BTRC: variants seen among roughly 807,000 people sequenced by gnomAD.
BTRC encodes beta-transducin repeat containing E3 ubiquitin protein ligase, also known as F-box/WD repeat-containing protein 1A.
A neutral mutation model predicts 85.5 loss-of-function variants in BTRC; 42 were observed. The observed-to-expected ratio is 0.49, with a 90% CI of 0.38 to 0.64. The LOEUF is 0.64. Among genes scored for constraint, BTRC ranks in the 30% least tolerant of loss-of-function variants. BTRC has a pLI of 0.00. For missense variants in BTRC, 594 were observed against 743.5 expected, an observed-to-expected ratio of 0.80 and a Z score of 2.34; for synonymous variants, 255 against 263.3, an observed-to-expected ratio of 0.97 and a Z score of 0.30.
At chr10:101,409,816 T>TA (rs2134019946) in intron 1 of BTRC, among the ~76,000 whole-genome samples, 1 of 152,334 alleles carries the variant, frequency 6.6e-6, no homozygotes, top group African/African-American at 2.4e-5. Flanking sequence ...TATTCGTTGA[T>TA]AAGTATTTTT....
intron 4 of BTRC, among the ~76,000 whole-genome samples, chr10:101,498,433 G>T (rs1003790562): frequency 6.6e-6 from 1 of 152,046 alleles, no homozygotes; most frequent in Non-Finnish European, 1.5e-5. Flanking sequence ...GTGATTACAG[G>T]TGTGAGCCAC....
At chr10:101,460,900 G>A (rs192954288) in intron 2 of BTRC, among the ~76,000 whole-genome samples, 1 of 152,146 alleles carries the variant, frequency 6.6e-6, no homozygotes, top group East Asian at 1.9e-4. Flanking sequence ...TTAACTGTAA[G>A]TTTTTTGTTG....
chr10:101,361,598 G>C (rs1410000009), intron 1 of BTRC, among the ~76,000 whole-genome samples: 4 of 152,198 alleles, frequency 2.6e-5, no homozygotes, highest in African/African-American at 9.7e-5. Context: ...TATGGGAAGG[G>C]TCCACTGGAT....
intron 1 of BTRC, among the ~76,000 whole-genome samples, chr10:101,376,999 T>C (rs910399301): frequency 5.9e-5 from 9 of 152,170 alleles, no homozygotes; most frequent in African/African-American, 2.2e-4. Context: ...AATTCTAATA[T>C]GTGTAGTAGA....
chr10:101,383,095 A>C (rs1590225420), intron 1 of BTRC, among the ~76,000 whole-genome samples: 1 of 117,112 alleles, frequency 8.5e-6, no homozygotes. Context: ...ACAGGGTCTC[A>C]CTCTTTCTCC....
intron 1 of BTRC, among the ~76,000 whole-genome samples, chr10:101,358,291 CAA>C (rs1942101807): frequency 6.6e-6 from 1 of 151,960 alleles, no homozygotes; most frequent in South Asian, 2.1e-4. Context: ...TTTGTAGAGA[CAA>C]GGGTCGCCCT....
intron 1 of BTRC, among the ~76,000 whole-genome samples, chr10:101,415,697 A>G (rs1302017854): frequency 2.0e-5 from 3 of 150,272 alleles, no homozygotes; most frequent in Admixed American, 6.6e-5. Flanking sequence ...ATGCGCCACC[A>G]TGCCTGGCTA....
At chr10:101,472,764 A>G (rs1393993356) in intron 3 of BTRC, among the ~76,000 whole-genome samples, 1 of 152,098 alleles carries the variant, frequency 6.6e-6, no homozygotes, top group East Asian at 1.9e-4. Context: ...GCGGTGAAAT[A>G]AAAATATTAT....
At chr10:101,515,330 A>T (rs1424525126) in intron 4 of BTRC, among the ~76,000 whole-genome samples, 2 of 151,984 alleles carry the variant, frequency 1.3e-5, no homozygotes, top group African/African-American at 4.8e-5. Context: ...AGAATCAGCG[A>T]GTTAATTTGC....
intron 1 of BTRC, among the ~76,000 whole-genome samples, chr10:101,424,906 A>G (rs1183540360): frequency 6.6e-6 from 1 of 152,150 alleles, no homozygotes; most frequent in Non-Finnish European, 1.5e-5. Flanking sequence ...TCACCCAGGT[A>G]GAGAGTGCAA....
At chr10:101,453,113 G>A (rs1253509756) in intron 2 of BTRC, among the ~76,000 whole-genome samples, 1 of 152,032 alleles carries the variant, frequency 6.6e-6, no homozygotes, top group Non-Finnish European at 1.5e-5. Context: ...TTTGTAAATT[G>A]TAAATTTATA....
chr10:101,499,233 C>CA lies in BTRC; in HGVS notation c.324+19777dup, dbSNP rs1275383167. ...TTGGCCTGTACCTGGGCTTGTCTGA[C>CA]ACTATGCAGTACTACCTTTTTTTTG... On this transcript the variant is annotated intron_variant, in intron 4 of 14. Coordinates refer to ENST00000370187, the MANE Select transcript of BTRC (RefSeq NM_033637.4). Among the ~76,000 whole-genome samples, 12 of 152,128 alleles carry CA rather than the reference C, an allele frequency of 7.9e-5. No homozygotes were observed. The South Asian group carries it at 2.5e-3, about 32-fold the overall frequency.
At chr10:101,421,922 C>T (rs1018134947) in intron 1 of BTRC, among the ~76,000 whole-genome samples, 1 of 152,060 alleles carries the variant, frequency 6.6e-6, no homozygotes, top group Non-Finnish European at 1.5e-5. Context: ...AATAGTGCCA[C>T]AGTAAACATA....
At chr10:101,552,625 G>A (rs2062669811) in intron 14 of BTRC, among the ~76,000 whole-genome samples, 1 of 152,072 alleles carries the variant, frequency 6.6e-6, no homozygotes, top group Admixed American at 6.5e-5. Flanking sequence ...TTAATCTCCA[G>A]GCCACATTTC....
Position 101,532,410 on chromosome 10 carries a change from G to A in BTRC, c.956G>A (p.Gly319Asp). Residue 319 changes from glycine (G) to aspartate (D), a missense_variant, in exon 8 of 15, where the codon GGC (glycine) becomes GAC (aspartate). Around this residue, in one of 4 missense-constraint regions of BTRC, gnomAD observed 373 missense variants for 503.6 expected, o/e 0.74. Coordinates refer to ENST00000370187, the MANE Select transcript of BTRC (RefSeq NM_033637.4). ...TATGATGATCAGAAAATAGTAAGCG[G>A]CCTTCGAGACAACACAATCAAGGTG... ...LQYDDQKIVSGLRDNTIKIWD... is the reference protein window; with the variant it reads ...LQYDDQKIVSDLRDNTIKIWD... 1.2e-6 allele frequency: 2 copies of A among 1,611,920 alleles called. No homozygotes were observed. Among genetic ancestry groups the A allele is most frequent in the Non-Finnish European group, 1.7e-6 (2 of 1,179,318 alleles).
At chr10:101,524,414 T>A (rs1431192867) in intron 5 of BTRC, among the ~76,000 whole-genome samples, 1 of 152,186 alleles carries the variant, frequency 6.6e-6, no homozygotes, top group Non-Finnish European at 1.5e-5. Context: ...CTAATATTGA[T>A]CCCTGGTTTG....
intron 1 of BTRC, among the ~76,000 whole-genome samples, chr10:101,379,646 T>C (rs1294337073): frequency 6.6e-6 from 1 of 152,206 alleles, no homozygotes; most frequent in Non-Finnish European, 1.5e-5. Flanking sequence ...TCTTTTTAAT[T>C]AAAATGAGAA....
intron 1 of BTRC, among the ~76,000 whole-genome samples, chr10:101,389,984 G>A (rs1340817245): frequency 6.6e-6 from 1 of 152,010 alleles, no homozygotes; most frequent in Non-Finnish European, 1.5e-5. Context: ...TGACTTTTTG[G>A]TTGAGTCCTT....
chr10:101,532,745 GCTATA>G (rs974950049), intron 8 of BTRC, among the ~76,000 whole-genome samples: 1 of 108,792 alleles, frequency 9.2e-6, no homozygotes, highest in Non-Finnish European at 2.0e-5. Flanking sequence ...TAGTACTGAA[GCTATA>G]TGTGTGTGTG....
Sources: gnomAD v4.1 joint callset for allele counts (sites outside exome capture counted in the v4.1 genomes callset) on GRCh38, gnomAD v4.1.1 for gene constraint, gnomAD v4.1.1 regional missense constraint, MANE v1.5 for transcripts, NCBI Gene and HGNC (gene_info 2026-07-23, HGNC 2026-07-21) for gene names.